NARF: variants seen among roughly 807,000 people sequenced by gnomAD.
The protein encoded by NARF is nuclear prelamin A recognition factor.
Under a neutral mutation model 48.0 loss-of-function variants are expected in NARF, and 41 were observed. That is an observed-to-expected ratio of 0.85 (90% confidence interval 0.66 to 1.11). The LOEUF is 1.11. Ranked by LOEUF, NARF falls within the 50% of genes least tolerant of loss-of-function variation. NARF has a pLI of 0.00. For missense variants in NARF, 613 were observed against 590.2 expected (o/e 1.04, Z -0.40); for synonymous variants, 215 against 225.5 (o/e 0.95, Z 0.42).
chr17:82,480,301 A>G (rs2043931678), intron 6 of NARF: 4 of 399,972 alleles, frequency 1.0e-5, no homozygotes, highest in Non-Finnish European at 1.3e-5. Flanking sequence ...ACACACACAC[A>G]CACACACACA....
Position 82,483,706 on chromosome 17 carries a change from TTGTC to T in NARF, c.770-7_770-4del. ...GTGTCTTTTCAGTGTCTTACTTCGT[TTGTC>T]TGCAGGTGAAATTGCTCAAATAATG... On this transcript the variant is annotated splice_region_variant and splice_polypyrimidine_tract_variant and intron_variant, in intron 7 of 10. Transcript: ENST00000309794. 6.2e-7 allele frequency: 1 copy of T among 1,613,862 alleles called. No homozygotes were observed. Among genetic ancestry groups the T allele is most frequent in the Non-Finnish European group, 8.5e-7 (1 of 1,179,842 alleles).
intron 5 of NARF, 26 bp from the exon 6 acceptor site, chr17:82,478,774 T>C: frequency 6.2e-7 from 1 of 1,601,806 alleles, no homozygotes; most frequent in South Asian, 1.1e-5. Flanking sequence ...AGTAAGGAGC[T>C]GACCGTGGAT....
chr17:82,472,585 C>G lies in NARF; in HGVS notation c.407C>G (p.Thr136Arg), dbSNP rs552511144. 3.1e-6 allele frequency: 5 copies of G among 1,612,626 alleles called. No homozygotes were observed. Among genetic ancestry groups the G allele is most frequent in the South Asian group, 2.2e-5 (2 of 90,934 alleles). Residue 136 changes from threonine to arginine, a missense_variant, in exon 5 of 11, where the codon ACG (threonine) becomes AGG (arginine). Physicochemically the swap from Thr to Arg is moderately conservative, Grantham distance 71 (BLOSUM62 -1). Coordinates refer to ENST00000309794, the MANE Select transcript of NARF (RefSeq NM_012336.4). Reference sequence around the variant, plus strand: ...GCAGGGGTGCACTATGTATTTGATACGACGATAGCTGCGGATTTTAGTATC... The same window carrying G: ...GCAGGGGTGCACTATGTATTTGATAGGACGATAGCTGCGGATTTTAGTATC... ...KSLGVHYVFD[T>R]TIAADFSILE...
At chr17:82,461,331 G>A (rs183670975) in intron 2 of NARF, among the ~76,000 whole-genome samples, 1 of 152,142 alleles carries the variant, frequency 6.6e-6, no homozygotes, top group African/African-American at 2.4e-5. Flanking sequence ...TGATTTTACA[G>A]CCAGGCATGG....
At chr17:82,468,738 C>A in intron 3 of NARF, 26 bp from the exon 4 acceptor site, 4 of 1,611,718 alleles carry the variant, frequency 2.5e-6, no homozygotes, top group Non-Finnish European at 3.4e-6. Flanking sequence ...CAGCAGATAC[C>A]TAACATTCTC....
At chr17:82,459,329 G>T (rs72859108) in intron 1 of NARF, 7,814 of 311,424 alleles carry the variant, frequency 0.025, 118 homozygotes, top group Middle Eastern at 0.054. Flanking sequence ...TGTTATTGCC[G>T]GAATGGGCTC....
intron 1 of NARF, chr17:82,459,191 C>T (rs1599808824): frequency 7.5e-6 from 8 of 1,060,790 alleles, no homozygotes; most frequent in South Asian, 9.1e-5. Context: ...TTCGAACCTG[C>T]CCCTCTGAGG....
intron 7 of NARF, chr17:82,483,335 C>T (rs1258228890): frequency 3.2e-6 from 1 of 308,546 alleles, no homozygotes; most frequent in Admixed American, 4.7e-5. Flanking sequence ...AAAAAAAATG[C>T]AACCAGTGTA....
intron 2 of NARF, 105 bp from the exon 3 acceptor site, chr17:82,464,181 AT>A: frequency 7.0e-7 from 1 of 1,434,546 alleles, no homozygotes; most frequent in Non-Finnish European, 9.5e-7. Flanking sequence ...CCCTGGTATT[AT>A]CTCCAATGTT....
At position 82,484,689 on chromosome 17, in the gene NARF, G is replaced by C. The variant is rs73999955; in HGVS notation, c.834-124G>C. 5,947 of 1,255,710 alleles carry C rather than the reference G, an allele frequency of 4.7e-3. 250 individuals carry two copies. In the African/African-American group the frequency reaches 0.083, roughly 18 times the overall value. The allele number at this position is 1,255,710 out of a possible 1,614,324, so 77.8% of individuals were successfully genotyped here. A position where few individuals can be genotyped will look rare whatever the true frequency, so the allele number is the denominator to read the frequency against. On this transcript the variant is annotated intron_variant, in intron 8 of 10. Coordinates refer to ENST00000309794, the MANE Select transcript of NARF (RefSeq NM_012336.4). ...GACTTTCTGCAAAGTTTAAACATCTGTACAGGATTTAGCTTCTTTGGTGGC... is the reference window on the plus strand; with the variant it reads ...GACTTTCTGCAAAGTTTAAACATCTCTACAGGATTTAGCTTCTTTGGTGGC...
rs5822530 is a variant in NARF at position 82,480,287 on chromosome 17, G to GCACA, written c.640-794_640-793insACAC. ...AGTCTGTGGGTGAAGTAGCCAGCGC[G>GCACA]CGCACACACACACACACACACACAC... On this transcript the variant is annotated intron_variant, in intron 6 of 10. Coordinates refer to ENST00000309794, the MANE Select transcript of NARF (RefSeq NM_012336.4). 329 of 376,144 alleles carry GCACA rather than the reference G, an allele frequency of 8.7e-4. 2 individuals are homozygous for GCACA. The highest frequency in any genetic ancestry group is 5.6e-3 in the African/African-American group (264 of 47,160). 23.3% of individuals were successfully genotyped at this position (376,144 alleles called of 1,614,324 possible). A position where few individuals can be genotyped will look rare whatever the true frequency, so the allele number is the denominator to read the frequency against.
intron 5 of NARF, chr17:82,476,943 C>G (rs933144832): frequency 6.6e-6 from 1 of 151,834 alleles, no homozygotes; most frequent in Non-Finnish European, 1.5e-5. Context: ...GTTGGCCAGG[C>G]TGGAATAGAA....
intron 10 of NARF, among the ~76,000 whole-genome samples, chr17:82,487,140 T>G (rs2044112981): frequency 6.6e-6 from 1 of 152,204 alleles, no homozygotes; most frequent in Admixed American, 6.5e-5. Context: ...GGTTGGCAAC[T>G]TAGGTTTTAG....
intron 5 of NARF, among the ~76,000 whole-genome samples, chr17:82,473,402 C>G (rs1381031866): frequency 7.0e-6 from 1 of 142,192 alleles, no homozygotes; most frequent in African/African-American, 2.6e-5. Context: ...TCAAGCGATT[C>G]TTTTTTTTTT....
rs188265599 is a variant in NARF at position 82,474,638 on chromosome 17, T to C, written c.520+1940T>C. Among the ~76,000 whole-genome samples the C allele has an allele frequency of 2.0e-5, 3 of 152,346 alleles. No homozygotes were observed. The East Asian group carries it at 5.8e-4, about 29-fold the overall frequency. On this transcript the variant is annotated intron_variant, in intron 5 of 10. Coordinates refer to ENST00000309794, the MANE Select transcript of NARF (RefSeq NM_012336.4). The stretch of plus-strand genomic sequence containing the variant: ...GCTCCCCCTACAATGGTTTCAAATT[T>C]TTCTGGCATTTTACATGTCAACCTT...
In NARF at chr17:82,489,132, GCC is replaced by G. The variant is rs1176010096; in HGVS notation, c.*976_*977del. On this transcript the variant is annotated 3_prime_UTR_variant, in exon 11 of 11. Coordinates refer to ENST00000309794, the MANE Select transcript of NARF (RefSeq NM_012336.4). ...ACAACAGTAGGCCCCATTCCTCACA[GCC>G]AGTCACCACCCTCCTCCCATTCCTC... 3.2e-5 allele frequency: 5 copies of G among 155,098 alleles called. No homozygotes were observed. Among genetic ancestry groups the G allele is most frequent in the African/African-American group, 1.2e-4 (5 of 41,458 alleles). 9.6% of individuals were successfully genotyped at this position (155,098 alleles called of 1,614,324 possible). A position where few individuals can be genotyped will look rare whatever the true frequency, so the allele number is the denominator to read the frequency against.
intron 2 of NARF, chr17:82,461,013 C>G (rs2043423714): frequency 1.3e-5 from 2 of 152,160 alleles, no homozygotes; most frequent in Admixed American, 6.5e-5. Flanking sequence ...CTCTGAGGCT[C>G]AAGTGATTCT....
chr17:82,483,701 T>C lies in NARF; in HGVS notation c.770-15T>C. Reference sequence around the variant, plus strand: ...CACCTGTGTCTTTTCAGTGTCTTACTTCGTTTGTCTGCAGGTGAAATTGCT... The same window carrying C: ...CACCTGTGTCTTTTCAGTGTCTTACCTCGTTTGTCTGCAGGTGAAATTGCT... On this transcript the variant is annotated splice_polypyrimidine_tract_variant and intron_variant, in intron 7 of 10. Coordinates refer to ENST00000309794, the MANE Select transcript of NARF (RefSeq NM_012336.4). 2 of 1,613,770 alleles carry C rather than the reference T, an allele frequency of 1.2e-6. No individual in the cohort carries two copies. Among genetic ancestry groups the C allele is most frequent in the Non-Finnish European group, 1.7e-6 (2 of 1,179,754 alleles).
rs1359905880 is a variant in NARF at position 82,478,838 on chromosome 17, A to G, written c.559A>G (p.Ile187Val). The G allele has an allele frequency of 6.2e-7, 1 of 1,613,860 alleles. No individual in the cohort carries two copies. The highest frequency in any genetic ancestry group is 1.3e-5 in the African/African-American group (1 of 74,888). Residue 187 changes from isoleucine to valine, a missense_variant, in exon 6 of 11, where the codon ATC becomes GTC. By Grantham distance (29) the Ile-to-Val change is conservative (BLOSUM62 3). Coordinates refer to ENST00000309794, the MANE Select transcript of NARF (RefSeq NM_012336.4). ...RYAERVLGRP[I>V]TAHLCTAKSP... ...CGCCGAGCGGGTGCTGGGTCGCCCC[A>G]TCACTGCCCACCTCTGCACCGCCAA...
Sources: gnomAD v4.1 joint callset for allele counts (sites outside exome capture counted in the v4.1 genomes callset) on GRCh38, gnomAD v4.1.1 for gene constraint, MANE v1.5 for transcripts, NCBI Gene and HGNC (gene_info 2026-07-23, HGNC 2026-07-21) for gene names.